The following ADAM22 variants were observed in gnomAD, a reference collection of about 807,000 sequenced individuals.
The protein encoded by ADAM22 is ADAM metallopeptidase domain 22, also known as disintegrin and metalloproteinase domain-containing protein 22.
Under a neutral mutation model 144.6 loss-of-function variants are expected in ADAM22, and 65 were observed. The observed-to-expected ratio is 0.45, with a 90% CI of 0.37 to 0.55. The LOEUF (loss-of-function observed/expected upper bound fraction) is 0.55. ADAM22 is among the 20% of genes least tolerant of loss of function. ADAM22 has a pLI of 0.00. For synonymous variants in ADAM22, 391 were observed against 412.6 expected, an observed-to-expected ratio of 0.95 and a Z score of 0.63; for missense variants, 974 against 1,184.9, an observed-to-expected ratio of 0.82 and a Z score of 2.61.
intron 3 of ADAM22, among the ~76,000 whole-genome samples, chr7:87,991,381 A>G (rs1182002377): frequency 2.8e-5 from 3 of 108,424 alleles, no homozygotes; most frequent in Non-Finnish European, 5.2e-5. Flanking sequence ...TTTTTTTGAG[A>G]CGGAGTCTCG....
intron 19 of ADAM22, 80 bp from the exon 20 acceptor site, chr7:88,151,177 T>A: frequency 1.3e-6 from 2 of 1,569,924 alleles, no homozygotes. Flanking sequence ...CTATTATTTT[T>A]CCCAATCATA....
At chr7:87,975,173 T>G (rs1021813022) in intron 2 of ADAM22, among the ~76,000 whole-genome samples, 3 of 152,198 alleles carry the variant, frequency 2.0e-5, no homozygotes, top group Non-Finnish European at 4.4e-5. Flanking sequence ...ATTACCTCCT[T>G]CTGGAGGCCT....
At chr7:87,980,737 G>A (rs1272481710) in intron 3 of ADAM22, among the ~76,000 whole-genome samples, 6 of 152,110 alleles carry the variant, frequency 3.9e-5, no homozygotes, top group Admixed American at 6.5e-5. Flanking sequence ...ACTTCCACAG[G>A]AGGCTGATAA....
intron 2 of ADAM22, among the ~76,000 whole-genome samples, chr7:87,953,969 GC>G (rs1257176195): frequency 6.6e-6 from 1 of 152,028 alleles, no homozygotes; most frequent in Non-Finnish European, 1.5e-5. Context: ...TGCAACCCCT[GC>G]CTTTTTTTGT....
intron 7 of ADAM22, among the ~76,000 whole-genome samples, chr7:88,122,182 T>G (rs1829462631): frequency 6.6e-6 from 1 of 152,212 alleles, no homozygotes; most frequent in African/African-American, 2.4e-5. Context: ...CTTGGTTTCT[T>G]GCTGGCTTTT....
intron 3 of ADAM22, among the ~76,000 whole-genome samples, chr7:88,064,405 C>T (rs1285422244): frequency 2.0e-5 from 3 of 152,132 alleles, no homozygotes; most frequent in Non-Finnish European, 2.9e-5. Context: ...ACCTTTCTGT[C>T]CTTCAGTTTC....
chr7:87,959,959 G>A (rs1847668891), intron 2 of ADAM22, among the ~76,000 whole-genome samples: 1 of 151,796 alleles, frequency 6.6e-6, no homozygotes, highest in African/African-American at 2.4e-5. Context: ...TTTCTGTTTG[G>A]ACTCTTCTCT....
Position 87,934,428 on chromosome 7 carries a change from G to C in ADAM22, c.-38G>C. ...GGACTCGGCGGCGCCGGCATGAGGA[G>C]CTGAGCGTCTCGGGCGAGGCGGGCT... On this transcript the variant is annotated 5_prime_UTR_variant, in exon 1 of 32. Coordinates refer to ENST00000413139, the MANE Select transcript of ADAM22 (RefSeq NM_001324418.2). 1 of 1,563,090 alleles carries C rather than the reference G, an allele frequency of 6.4e-7. No individual in the cohort carries two copies. The highest frequency in any genetic ancestry group is 8.6e-7 in the Non-Finnish European group (1 of 1,159,478).
intron 1 of ADAM22, 77 bp from the exon 2 acceptor site, chr7:87,934,949 G>A: frequency 6.3e-7 from 1 of 1,592,924 alleles, no homozygotes. Flanking sequence ...TAGGACTGCA[G>A]GATGGAGGAG....
chr7:88,094,578 G>A (rs1820764734), intron 4 of ADAM22, among the ~76,000 whole-genome samples: 1 of 152,158 alleles, frequency 6.6e-6, no homozygotes, highest in Non-Finnish European at 1.5e-5. Context: ...CAGTGTTTTT[G>A]GACTTCCTAC....
intron 14 of ADAM22, among the ~76,000 whole-genome samples, chr7:88,136,581 C>T (rs1833032565): frequency 6.6e-6 from 1 of 152,002 alleles, no homozygotes; most frequent in South Asian, 2.1e-4. Flanking sequence ...GTCATCAATG[C>T]TTGTCTTTTA....
chr7:87,957,432 C>A (rs1366044783), intron 2 of ADAM22, among the ~76,000 whole-genome samples: 1 of 152,118 alleles, frequency 6.6e-6, no homozygotes, highest in African/African-American at 2.4e-5. Flanking sequence ...CCAGAATGAA[C>A]AAAATTTAGT....
chr7:88,094,088 G>A (rs983635278), intron 4 of ADAM22, among the ~76,000 whole-genome samples: 1 of 152,168 alleles, frequency 6.6e-6, no homozygotes, highest in African/African-American at 2.4e-5. Flanking sequence ...GCCAGTGACA[G>A]GGATATAGCT....
At chr7:88,184,992 G>C (rs1377899692) in intron 29 of ADAM22, among the ~76,000 whole-genome samples, 1 of 152,240 alleles carries the variant, frequency 6.6e-6, no homozygotes, top group Non-Finnish European at 1.5e-5. Flanking sequence ...TCACTTCGCT[G>C]TGTGGCTATG....
In ADAM22 at chr7:88,098,809, A is replaced by G. The variant is rs558627776; in HGVS notation, c.391-9367A>G. ...CTTTTAAATGAAATTATTCTTTTTC[A>G]TCGGCTCGTTTTATTTCCTTTTAAT... On this transcript the variant is annotated intron_variant, in intron 4 of 31. Transcript: ENST00000413139. Among the ~76,000 whole-genome samples, 11 of 152,196 alleles carry G rather than the reference A, an allele frequency of 7.2e-5. No homozygotes were observed. The East Asian group carries it at 1.7e-3, about 24-fold the overall frequency.
chr7:88,048,285 T>C (rs1219934143), intron 3 of ADAM22, among the ~76,000 whole-genome samples: 1 of 152,188 alleles, frequency 6.6e-6, no homozygotes, highest in Admixed American at 6.5e-5. Context: ...ATAGTTAGAT[T>C]GTTTCTAGTA....
intron 3 of ADAM22, among the ~76,000 whole-genome samples, chr7:88,035,705 C>T (rs1801375031): frequency 6.6e-6 from 1 of 152,128 alleles, no homozygotes; most frequent in South Asian, 2.1e-4. Flanking sequence ...TAGAGATGAC[C>T]AGAGTAATGC....
intron 3 of ADAM22, among the ~76,000 whole-genome samples, chr7:88,005,321 G>A (rs1394953360): frequency 6.6e-6 from 1 of 152,140 alleles, no homozygotes; most frequent in African/African-American, 2.4e-5. Context: ...GGCCAGGGGA[G>A]GTGGGGAGCA....
intron 4 of ADAM22, among the ~76,000 whole-genome samples, chr7:88,097,644 C>T (rs1458413901): frequency 7.0e-6 from 1 of 143,696 alleles, no homozygotes; most frequent in Non-Finnish European, 1.5e-5. Context: ...AAGAAAACAA[C>T]AACAAACATC....
Sources: gnomAD v4.1 joint callset for allele counts (sites outside exome capture counted in the v4.1 genomes callset) on GRCh38, gnomAD v4.1.1 for gene constraint, MANE v1.5 for transcripts, NCBI Gene and HGNC (gene_info 2026-07-23, HGNC 2026-07-21) for gene names.